Variants in SUCLG2 observed in about 807,000 individuals in gnomAD.
SUCLG2 encodes the protein succinate--CoA ligase [GDP-forming] subunit beta, mitochondrial.
A neutral mutation model predicts 47.9 loss-of-function variants in SUCLG2; 42 were observed. The ratio of observed to expected loss-of-function variants is 0.88; its 90% CI spans 0.69 to 1.14. The LOEUF (loss-of-function observed/expected upper bound fraction) is 1.14, where lower values mean the gene tolerates loss of function less well. SUCLG2 is among the 50% of genes most tolerant of loss of function. The probability of loss-of-function intolerance (pLI) is 0.00; values close to 1 mark genes in which losing one functional copy is unlikely to be tolerated. For synonymous variants in SUCLG2, 195 were observed against 197.3 expected, an observed-to-expected ratio of 0.99 and a Z score of 0.10; for missense variants, 571 against 525.9, an observed-to-expected ratio of 1.09 and a Z score of -0.84.
chr3:67,495,024 G>A (rs1256179808), intron 9 of SUCLG2, among the ~76,000 whole-genome samples: 2 of 152,124 alleles, frequency 1.3e-5, no homozygotes, highest in Non-Finnish European at 2.9e-5. Context: ...AATGGTCAGA[G>A]ATAAAAATTA....
intron 9 of SUCLG2, among the ~76,000 whole-genome samples, chr3:67,406,473 C>T (rs1369344894): frequency 6.6e-6 from 1 of 152,108 alleles, no homozygotes; most frequent in East Asian, 1.9e-4. Flanking sequence ...GAGGGAGGGC[C>T]TCTCATAGGC....
chr3:67,423,599 A>G (rs1703226685), intron 9 of SUCLG2, among the ~76,000 whole-genome samples: 1 of 152,080 alleles, frequency 6.6e-6, no homozygotes, highest in African/African-American at 2.4e-5. Flanking sequence ...CACCTCTTGG[A>G]GCCCAAATAC....
chr3:67,434,058 G>A (rs4553987), intron 9 of SUCLG2, among the ~76,000 whole-genome samples: 94,314 of 152,026 alleles, frequency 0.62, 30,394 homozygotes, highest in Admixed American at 0.75. Flanking sequence ...AGCAGGTCTC[G>A]TAAGTACTGA....
chr3:67,392,427 C>T (rs909104279), intron 10 of SUCLG2, among the ~76,000 whole-genome samples: 2 of 152,218 alleles, frequency 1.3e-5, no homozygotes, highest in African/African-American at 4.8e-5. Flanking sequence ...CACACGTAAA[C>T]ATTAGACAAA....
intron 1 of SUCLG2, among the ~76,000 whole-genome samples, chr3:67,622,449 G>T (rs75962088): frequency 2.0e-5 from 3 of 152,106 alleles, no homozygotes; most frequent in African/African-American, 7.2e-5. Context: ...AACAGACTTC[G>T]ATTTCATCAC....
At chr3:67,406,729 C>T (rs979865507) in intron 9 of SUCLG2, among the ~76,000 whole-genome samples, 2 of 152,074 alleles carry the variant, frequency 1.3e-5, no homozygotes, top group Non-Finnish European at 2.9e-5. Context: ...ACAGAGCAAA[C>T]GCCATGACAA....
chr3:67,461,484 G>A (rs888980862), intron 9 of SUCLG2, among the ~76,000 whole-genome samples: 11 of 151,810 alleles, frequency 7.2e-5, no homozygotes, highest in African/African-American at 2.4e-4. Context: ...TAATATTTTC[G>A]GAATCATATA....
intron 1 of SUCLG2, among the ~76,000 whole-genome samples, chr3:67,629,947 TCTAATCCTA>T (rs757844359): frequency 2.6e-5 from 4 of 152,172 alleles, no homozygotes; most frequent in African/African-American, 4.8e-5. Context: ...TACAGCATTC[TCTAATCCTA>T]CTCTCTGCCC....
intron 1 of SUCLG2, among the ~76,000 whole-genome samples, chr3:67,651,272 G>T (rs1203185024): frequency 6.6e-6 from 1 of 152,164 alleles, no homozygotes; most frequent in Non-Finnish European, 1.5e-5. Flanking sequence ...AGACCCTGCA[G>T]GTCTCCACAT....
At position 67,545,491 on chromosome 3, in the gene SUCLG2, C is replaced by T. The variant is rs562073574; in HGVS notation, c.227-16305G>A. ...AATGTCTTGCTCTTTTATTGCCTGT[C>T]TTGATGCATTCATTGTTTTTGAAAT... On this transcript the variant is annotated intron_variant, in intron 2 of 10. Coordinates refer to ENST00000307227, the MANE Select transcript of SUCLG2 (RefSeq NM_003848.4). 1.1e-3 allele frequency among the ~76,000 whole-genome samples: 164 copies of T among 152,232 alleles called. 1 individual carries two copies. Among genetic ancestry groups the T allele is most frequent in the Non-Finnish European group, 4.0e-4 (27 of 68,010 alleles).
chr3:67,613,995 G>T (rs951414967), intron 1 of SUCLG2, among the ~76,000 whole-genome samples: 6 of 152,172 alleles, frequency 3.9e-5, no homozygotes, highest in African/African-American at 1.2e-4. Context: ...TGGGAGGGAG[G>T]GAGGTGGAGA....
intron 3 of SUCLG2, among the ~76,000 whole-genome samples, chr3:67,528,852 G>A (rs909763102): frequency 6.6e-6 from 1 of 152,168 alleles, no homozygotes; most frequent in Admixed American, 6.5e-5. Context: ...ATCATTGATT[G>A]TTTAGGACAG....
At chr3:67,590,932 T>C (rs1286306927) in intron 2 of SUCLG2, among the ~76,000 whole-genome samples, 4 of 151,772 alleles carry the variant, frequency 2.6e-5, no homozygotes, top group African/African-American at 7.3e-5. Context: ...TTAACAAAAA[T>C]TTCTAAAGTA....
At chr3:67,442,425 C>T (rs576540273) in intron 9 of SUCLG2, among the ~76,000 whole-genome samples, 62 of 152,272 alleles carry the variant, frequency 4.1e-4, no homozygotes, top group African/African-American at 1.4e-3. Context: ...GCACATTTTG[C>T]GTCCCCACCC....
intron 9 of SUCLG2, among the ~76,000 whole-genome samples, chr3:67,444,307 G>A (rs1335272958): frequency 1.2e-5 from 1 of 81,610 alleles, no homozygotes; most frequent in Admixed American, 1.2e-4. Context: ...CCTCCCACCC[G>A]GCCAGCCGCC....
chr3:67,574,648 G>C (rs755264510), intron 2 of SUCLG2, among the ~76,000 whole-genome samples: 3 of 151,706 alleles, frequency 2.0e-5, no homozygotes, highest in Non-Finnish European at 4.4e-5. Flanking sequence ...ATGTGACTCA[G>C]GTAAAAAAAA....
In SUCLG2 at chr3:67,507,429, G is replaced by T. The variant is rs80283224; in HGVS notation, c.757+1378C>A. On this transcript the variant is annotated intron_variant, in intron 7 of 10. Transcript: ENST00000307227. ...TGAATGTTAGGGACTAGCCTATTTT[G>T]TATCTGACACTGCATGCATACTCAT... Among the ~76,000 whole-genome samples, 684 of 150,982 alleles carry T rather than the reference G, an allele frequency of 4.5e-3. 8 individuals are homozygous for T. In the East Asian group the frequency reaches 0.054, roughly 12 times the overall value.
intron 2 of SUCLG2, among the ~76,000 whole-genome samples, chr3:67,596,383 A>G (rs926374099): frequency 6.6e-6 from 1 of 152,226 alleles, no homozygotes; most frequent in African/African-American, 2.4e-5. Context: ...AAAGAAAGAA[A>G]GTTAAGGACA....
In SUCLG2 at chr3:67,445,056, CG is replaced by C. The variant is rs1703896714; in HGVS notation, c.1063-44206del. 3.2e-5 allele frequency among the ~76,000 whole-genome samples: 2 copies of C among 62,854 alleles called. 1 individual carries two copies. The highest frequency in any genetic ancestry group is 7.4e-5 in the Non-Finnish European group (2 of 26,888). 41.2% of individuals were successfully genotyped at this position (62,854 alleles called of 152,430 possible). ...CCGGGAGGTGAGGGGCGCCTCTGCC[CG>C]GCCCCCCCTACTGGGAAGTGAGGAG... On this transcript the variant is annotated intron_variant, in intron 9 of 10. Transcript: ENST00000307227.
Sources: gnomAD v4.1 joint callset for allele counts (sites outside exome capture counted in the v4.1 genomes callset) on GRCh38, gnomAD v4.1.1 for gene constraint, MANE v1.5 for transcripts, NCBI Gene and HGNC (gene_info 2026-07-23, HGNC 2026-07-21) for gene names.